The following NUP50 variants were observed in gnomAD, a reference collection of about 807,000 sequenced individuals.
NUP50 encodes nuclear pore complex protein Nup50.
A neutral mutation model predicts 36.8 loss-of-function variants in NUP50; 14 were observed. The observed-to-expected ratio is 0.38, with a 90% CI of 0.25 to 0.59. NUP50 has a LOEUF of 0.59. Among genes scored for constraint, NUP50 ranks in the 20% least tolerant of loss-of-function variants. The probability of loss-of-function intolerance (pLI) is 0.63; values close to 1 mark genes in which losing one functional copy is unlikely to be tolerated. For synonymous variants in NUP50, 195 were observed against 210.8 expected, an observed-to-expected ratio of 0.93 and a Z score of 0.65; for missense variants, 455 against 564.6, an observed-to-expected ratio of 0.81 and a Z score of 1.97.
intron 6 of NUP50, 135 bp from the exon 7 acceptor site, chr22:45,183,267 T>C (rs747724982): frequency 3.3e-6 from 2 of 606,186 alleles, no homozygotes; most frequent in East Asian, 2.6e-5. Context: ...TTGGATCAAT[T>C]AAAGATTTAT....
In NUP50 at chr22:45,168,195, C is replaced by A. The variant is rs143439242; in HGVS notation, c.18C>A (p.Ala6=). The change falls in exon 2 of 8, where the codon GCC becomes GCA. Residue 6 remains alanine (A), a synonymous_variant. Coordinates refer to ENST00000347635, the MANE Select transcript of NUP50 (RefSeq NM_007172.4). MAKRN[A]EKELTDRNWD... ...TCGAAAACATGGCCAAAAGAAATGC[C>A]GAGAAGGAACTGACAGATAGGAATT... 2.0e-4 allele frequency: 327 copies of A among 1,610,840 alleles called. 1 individual carries two copies. Among genetic ancestry groups the A allele is most frequent in the Middle Eastern group, 1.8e-3 (11 of 6,056 alleles).
chr22:45,177,445 T>C (rs1199442217), intron 4 of NUP50, among the ~76,000 whole-genome samples: 2 of 152,264 alleles, frequency 1.3e-5, no homozygotes, highest in Non-Finnish European at 2.9e-5. Flanking sequence ...CCTCCCAAAG[T>C]GTTGGGATTA....
rs6007494 is a variant in NUP50, at chr22:45,185,139, C to T, written c.*484C>T. Reference sequence around the variant, plus strand: ...TGTTACCAAATGAACCGGGCTGCCACGCTGTGACAGGCGTTTGTCCTCTGC... The same window carrying T: ...TGTTACCAAATGAACCGGGCTGCCATGCTGTGACAGGCGTTTGTCCTCTGC... On this transcript the variant is annotated 3_prime_UTR_variant, in exon 8 of 8. Coordinates refer to ENST00000347635, the MANE Select transcript of NUP50 (RefSeq NM_007172.4). 4,086 of 174,294 alleles carry T rather than the reference C, an allele frequency of 0.023. 161 individuals are homozygous for T. The highest frequency in any genetic ancestry group is 0.091 in the African/African-American group (3,799 of 41,714). 10.8% of individuals were successfully genotyped at this position (174,294 alleles called of 1,614,324 possible). A position where few individuals can be genotyped will look rare whatever the true frequency, so the allele number is the denominator to read the frequency against.
chr22:45,179,214 G>A lies in NUP50; in HGVS notation c.1003+314G>A, dbSNP rs779524013. The A allele has an allele frequency of 2.0e-5, 5 of 246,438 alleles. No individual in the cohort carries two copies. In the East Asian group the frequency reaches 4.4e-4, roughly 22 times the overall value. 15.3% of individuals were successfully genotyped at this position (246,438 alleles called of 1,614,324 possible). On this transcript the variant is annotated intron_variant, in intron 5 of 7. Coordinates refer to ENST00000347635, the MANE Select transcript of NUP50 (RefSeq NM_007172.4). The stretch of plus-strand genomic sequence containing the variant: ...GAATTAAAGACGTTTTTTGAAAATT[G>A]TGTTTTTGGAAAAGTTCATCAAGTT...
At chr22:45,183,753 G>A (rs2074421337) in intron 7 of NUP50, 1 of 457,488 alleles carries the variant, frequency 2.2e-6, no homozygotes, top group Non-Finnish European at 3.9e-6. Context: ...TGTTAGAAAT[G>A]TGACTAAGAA....
Position 45,185,529 on chromosome 22 carries a change from C to T in NUP50, c.*874C>T, listed in dbSNP as rs2074456093. ...GGCATTTGTACCATGATCAACCCCA[C>T]GCACATGAAAACTGTGACCAAGTGA... On this transcript the variant is annotated 3_prime_UTR_variant, in exon 8 of 8. Transcript: ENST00000347635. 1.3e-5 allele frequency: 2 copies of T among 152,084 alleles called. No homozygotes were observed. Among genetic ancestry groups the T allele is most frequent in the South Asian group, 4.2e-4 (2 of 4,796 alleles). The allele number at this position is 152,084 out of a possible 1,614,324, so 9.4% of individuals were successfully genotyped here.
At chr22:45,179,731 TA>T (rs2074336111) in intron 5 of NUP50, among the ~76,000 whole-genome samples, 1 of 152,000 alleles carries the variant, frequency 6.6e-6, no homozygotes. Flanking sequence ...CAAAAATTTT[TA>T]AAAATTAGCC....
In NUP50 at chr22:45,182,897, A is replaced by G. The variant is rs575686583; in HGVS notation, c.1086-505A>G. Among the ~76,000 whole-genome samples the G allele has an allele frequency of 4.6e-5, 7 of 151,978 alleles. No individual in the cohort carries two copies. In the South Asian group the frequency reaches 1.5e-3, roughly 32 times the overall value. ...CCTCGGCCTCCCAAAGTGCTGGGAT[A>G]CAGGCGTGAGCCACCGCACCTGGTC... On this transcript the variant is annotated intron_variant, in intron 6 of 7. Coordinates refer to ENST00000347635, the MANE Select transcript of NUP50 (RefSeq NM_007172.4).
In NUP50 at chr22:45,186,653, TA is replaced by T. The variant is rs972363731; in HGVS notation, c.*1999del. On this transcript the variant is annotated 3_prime_UTR_variant, in exon 8 of 8. Transcript: ENST00000347635. Reference sequence around the variant, plus strand: ...GCCCTTCTGTAAAAAATAGTTTATATATTTTTAAATTAGTAGGTATGTGTGG... The same window carrying T: ...GCCCTTCTGTAAAAAATAGTTTATATTTTTTAAATTAGTAGGTATGTGTGG... 1 of 152,710 alleles carries T rather than the reference TA, an allele frequency of 6.5e-6. No individual in the cohort carries two copies. The highest frequency in any genetic ancestry group is 2.4e-5 in the African/African-American group (1 of 41,468). The allele number at this position is 152,710 out of a possible 1,614,324, so 9.5% of individuals were successfully genotyped here. A position where few individuals can be genotyped will look rare whatever the true frequency, so the allele number is the denominator to read the frequency against.
rs1324867298 is a variant in NUP50, at chr22:45,164,078, C to T, written c.-229C>T. On this transcript the variant is annotated 5_prime_UTR_variant, in exon 1 of 8. Transcript: ENST00000347635. The stretch of plus-strand genomic sequence containing the variant: ...TCTCTGGCTGAACCGGCGCTCTCGC[C>T]TCCCTGCCGAACACAGCGTGAGGAG... 1 of 152,328 alleles carries T rather than the reference C, an allele frequency of 6.6e-6. No individual in the cohort carries two copies. Among genetic ancestry groups the T allele is most frequent in the Non-Finnish European group, 1.5e-5 (1 of 68,112 alleles). The allele number at this position is 152,328 out of a possible 1,614,324, so 9.4% of individuals were successfully genotyped here.
intron 1 of NUP50, among the ~76,000 whole-genome samples, chr22:45,167,517 G>C (rs557701760): frequency 5.9e-5 from 9 of 152,278 alleles, no homozygotes; most frequent in Non-Finnish European, 1.0e-4. Context: ...CCAATGATTT[G>C]TTTTTGAAAG....
chr22:45,180,839 T>C (rs1461528003), intron 5 of NUP50, among the ~76,000 whole-genome samples: 1 of 117,118 alleles, frequency 8.5e-6, no homozygotes, highest in Non-Finnish European at 1.7e-5. Flanking sequence ...ACTTGTCCCC[T>C]GTTAAAAAAA....
At chr22:45,181,982 T>C (rs989423230) in intron 6 of NUP50, among the ~76,000 whole-genome samples, 4 of 152,224 alleles carry the variant, frequency 2.6e-5, no homozygotes, top group African/African-American at 9.6e-5. Context: ...TTCCGAATAA[T>C]GAGCCAGCAG....
At chr22:45,176,400 A>G (rs1239681264) in intron 4 of NUP50, among the ~76,000 whole-genome samples, 4 of 152,180 alleles carry the variant, frequency 2.6e-5, no homozygotes, top group Non-Finnish European at 1.5e-5. Context: ...CGAGAGAGAA[A>G]AGAAAATGCT....
At chr22:45,178,057 C>G in intron 4 of NUP50, 181 bp from the exon 5 acceptor site, 1 of 589,996 alleles carries the variant, frequency 1.7e-6, no homozygotes, top group Non-Finnish European at 3.0e-6. Flanking sequence ...ACCTGGGAGG[C>G]AGAGGTTGCA....
chr22:45,184,103 C>T lies in NUP50; in HGVS notation c.1205-350C>T, dbSNP rs140302624. 2.1e-3 allele frequency: 576 copies of T among 277,672 alleles called. 2 individuals carry two copies. Among genetic ancestry groups the T allele is most frequent in the African/African-American group, 9.9e-3 (447 of 45,290 alleles). 17.2% of individuals were successfully genotyped at this position (277,672 alleles called of 1,614,324 possible). A position where few individuals can be genotyped will look rare whatever the true frequency, so the allele number is the denominator to read the frequency against. ...ACAGAGGTGTCCTTTGTCCGTGTGG[C>T]GCAGTGAAGACACTGGGTTGTGCCA... On this transcript the variant is annotated intron_variant, in intron 7 of 7. Transcript: ENST00000347635.
At chr22:45,167,068 C>A (rs2074105358) in intron 1 of NUP50, among the ~76,000 whole-genome samples, 1 of 152,094 alleles carries the variant, frequency 6.6e-6, no homozygotes, top group African/African-American at 2.4e-5. Context: ...ATCTTAGCGA[C>A]CACTTTGTGG....
At position 45,178,673 on chromosome 22, in the gene NUP50, C is replaced by G; in HGVS notation, c.776C>G (p.Thr259Arg). Residue 259 changes from threonine to arginine, a missense_variant, in exon 5 of 8, where the codon ACG (threonine) becomes AGG (arginine). This residue lies in a region of NUP50 where 287 missense variants were observed against 345.5 expected (regional missense o/e 0.83). Transcript: ENST00000347635. ...ATGGAGGTGGCATCTGAAAAGAAAA[C>G]GGACCCATCATCACTAGGAGCGACA... ...KKMEVASEKK[T>R]DPSSLGATSA... 6.2e-7 allele frequency: 1 copy of G among 1,612,010 alleles called. No homozygotes were observed. The highest frequency in any genetic ancestry group is 8.5e-7 in the Non-Finnish European group (1 of 1,179,848).
intron 1 of NUP50, among the ~76,000 whole-genome samples, 172 bp from the exon 2 acceptor site, chr22:45,167,996 C>A (rs940496880): frequency 2.0e-5 from 3 of 152,094 alleles, no homozygotes; most frequent in African/African-American, 7.2e-5. Flanking sequence ...ACACTGGGAG[C>A]CTAACAGCAC....
Sources: allele counts gnomAD v4.1 joint callset (sites outside exome capture counted in the v4.1 genomes callset), GRCh38; gene constraint gnomAD v4.1.1; regional missense constraint gnomAD v4.1.1; transcripts MANE v1.5; gene names NCBI Gene and HGNC (gene_info 2026-07-23, HGNC 2026-07-21).